Variants in ADAR observed in about 807,000 individuals in gnomAD.
ADAR encodes the protein double-stranded RNA-specific adenosine deaminase.
In ADAR, 41 loss-of-function variants were observed where a neutral mutation model predicts 113.2. The ratio of observed to expected loss-of-function variants is 0.36; its 90% CI spans 0.28 to 0.47. The LOEUF is 0.47. Among genes scored for constraint, ADAR ranks in the 20% least tolerant of loss-of-function variants. The pLI, the probability that ADAR is intolerant of heterozygous loss-of-function variation, is 1.00. For synonymous variants in ADAR, 605 were observed against 572.6 expected (o/e 1.06, Z -0.81); for missense variants, 1,242 against 1,540.9 (o/e 0.81, Z 3.25).
At chr1:154,608,659 C>T (rs953488772), upstream of ADAR, 1 of 152,398 alleles carries the variant, frequency 6.6e-6, no homozygotes, top group African/African-American at 2.4e-5. Flanking sequence ...TTTAGGAAAA[C>T]CGCCGTTTCA....
chr1:154,584,310 G>C lies in ADAR; in HGVS notation c.*496C>G, dbSNP rs1414350908. ...CCTCTTTGCCCTCTGAGGGGGAAAAGGAGACATTCAGATCACAAGGAAAGA... is the reference window on the plus strand; with the variant it reads ...CCTCTTTGCCCTCTGAGGGGGAAAACGAGACATTCAGATCACAAGGAAAGA... On this transcript the variant is annotated 3_prime_UTR_variant, in exon 15 of 15. Coordinates refer to ENST00000368474, the MANE Select transcript of ADAR (RefSeq NM_001111.5). The C allele has an allele frequency of 6.3e-6, 1 of 157,892 alleles. No individual in the cohort carries two copies. Among genetic ancestry groups the C allele is most frequent in the Non-Finnish European group, 1.4e-5 (1 of 71,390 alleles). 9.8% of individuals were successfully genotyped at this position (157,892 alleles called of 1,614,324 possible). A position where few individuals can be genotyped will look rare whatever the true frequency, so the allele number is the denominator to read the frequency against.
At chr1:154,604,543 G>A (rs1431438214) in intron 1 of ADAR, among the ~76,000 whole-genome samples, 5 of 152,210 alleles carry the variant, frequency 3.3e-5, no homozygotes, top group African/African-American at 4.8e-5. Context: ...TTGGGTCTTC[G>A]CTGTGTGGTG....
At chr1:154,605,945 A>T (rs1698165429) in intron 1 of ADAR, 2 of 925,124 alleles carry the variant, frequency 2.2e-6, no homozygotes, top group Non-Finnish European at 2.6e-6. Flanking sequence ...AAAATATTTT[A>T]ATGTCTGTCT....
At chr1:154,593,265 CGA>C (rs1229591906) in intron 6 of ADAR, among the ~76,000 whole-genome samples, 3 of 151,826 alleles carry the variant, frequency 2.0e-5, no homozygotes, top group Non-Finnish European at 4.4e-5. Context: ...TATTATTGTA[CGA>C]GATAGTTAAT....
intron 6 of ADAR, among the ~76,000 whole-genome samples, chr1:154,592,865 G>A (rs1188967668): frequency 6.6e-6 from 1 of 152,008 alleles, no homozygotes; most frequent in Non-Finnish European, 1.5e-5. Flanking sequence ...GGCTGTCGCG[G>A]TGGTTCATGC....
chr1:154,595,097 G>A (rs1256619047), intron 6 of ADAR, among the ~76,000 whole-genome samples: 1 of 152,214 alleles, frequency 6.6e-6, no homozygotes. Flanking sequence ...ACAGGAAGAG[G>A]TGAGTGGCGA....
chr1:154,604,201 A>G (rs1185863185), intron 1 of ADAR, among the ~76,000 whole-genome samples: 2 of 152,250 alleles, frequency 1.3e-5, no homozygotes, highest in East Asian at 3.8e-4. Flanking sequence ...AGCTTTATTT[A>G]TAAAAACAGG....
At chr1:154,605,342 C>CCA (rs1698123907) in intron 1 of ADAR, among the ~76,000 whole-genome samples, 1 of 152,166 alleles carries the variant, frequency 6.6e-6, no homozygotes, top group Admixed American at 6.5e-5. Context: ...CTCCTGACTC[C>CCA]CACCTTCTTC....
intron 1 of ADAR, 113 bp from the exon 2 acceptor site, chr1:154,602,739 T>C (rs575526284): frequency 3.0e-6 from 4 of 1,347,332 alleles, no homozygotes; most frequent in African/African-American, 2.9e-5. Context: ...GAGAAGGCAA[T>C]TGAGCCATGG....
chr1:154,607,583 G>C (rs1013588142), intron 1 of ADAR, among the ~76,000 whole-genome samples: 1 of 152,142 alleles, frequency 6.6e-6, no homozygotes, highest in Non-Finnish European at 1.5e-5. Flanking sequence ...TGTCTGCCTT[G>C]ACATGGGCTC....
Position 154,617,797 on chromosome 1 carries a change from CAT to C in ADAR, c.-871+10056_-871+10057del, listed in dbSNP as rs575005096. Among the ~76,000 whole-genome samples the C allele has an allele frequency of 2.6e-3, 391 of 152,104 alleles. 2 individuals carry two copies. The highest frequency in any genetic ancestry group is 4.6e-3 in the Non-Finnish European group (316 of 67,980). On this transcript the variant is annotated intron_variant, in intron 1 of 14. Coordinates refer to the ADAR transcript ENST00000368471. ...CTTAAAACAAATATGGTATTTAACA[CAT>C]GTTAAATATATATATTTAATATCTT...
Position 154,608,114 on chromosome 1 carries a change from T to C in ADAR, c.-108A>G. The stretch of plus-strand genomic sequence containing the variant: ...CCCCCACGCCTCCGCTACTCCGCAC[T>C]GGAAGTGGCCCCGGGGCGTCGGCAC... On this transcript the variant is annotated 5_prime_UTR_variant, in exon 1 of 15. Coordinates refer to ENST00000368474, the MANE Select transcript of ADAR (RefSeq NM_001111.5). The C allele has an allele frequency of 7.3e-7, 1 of 1,378,882 alleles. No homozygotes were observed. The highest frequency in any genetic ancestry group is 9.5e-7 in the Non-Finnish European group (1 of 1,050,414). The allele number at this position is 1,378,882 out of a possible 1,614,324, so 85.4% of individuals were successfully genotyped here. A position where few individuals can be genotyped will look rare whatever the true frequency, so the allele number is the denominator to read the frequency against.
chr1:154,598,421 G>C lies in ADAR; in HGVS notation c.1766C>G (p.Thr589Arg), dbSNP rs373667326. 3.4e-5 allele frequency: 55 copies of C among 1,614,056 alleles called. No individual in the cohort carries two copies. The highest frequency in any genetic ancestry group is 4.6e-5 in the Non-Finnish European group (54 of 1,180,038). ...ACCTACCTTCTCTGATTCTTTCTCT[G>C]TGGAATAGTGGGATGATTCTTCTGA... is the stretch of plus-strand genomic sequence containing the variant. ...GKSEESSHYS[T>R]EKESEKTAES... The change falls in exon 3 of 15, where the codon ACA (threonine) becomes AGA (arginine). Residue 589 changes from threonine to arginine, a missense_variant. Around this residue, in one of 2 missense-constraint regions of ADAR, gnomAD observed 780 missense variants for 1,057.9 expected, o/e 0.74. Transcript: ENST00000368474.
chr1:154,604,542 C>A (rs1390538077), intron 1 of ADAR, among the ~76,000 whole-genome samples: 1 of 152,202 alleles, frequency 6.6e-6, no homozygotes, highest in Non-Finnish European at 1.5e-5. Flanking sequence ...TTTGGGTCTT[C>A]GCTGTGTGGT....
chr1:154,604,188 T>A (rs554835341), intron 1 of ADAR, among the ~76,000 whole-genome samples: 1 of 152,360 alleles, frequency 6.6e-6, no homozygotes, highest in Non-Finnish European at 1.5e-5. Flanking sequence ...TCATTTACCA[T>A]GAAGCTTTAT....
chr1:154,585,960 G>A, intron 12 of ADAR, 95 bp from the exon 13 acceptor site: 2 of 1,289,858 alleles, frequency 1.6e-6, no homozygotes, highest in Admixed American at 1.9e-5. Flanking sequence ...ACAAGATATA[G>A]TTGTCAAGAA....
chr1:154,615,521 T>C (rs564002701), intron 1 of ADAR, among the ~76,000 whole-genome samples: 2 of 152,300 alleles, frequency 1.3e-5, no homozygotes, highest in Admixed American at 6.5e-5. Flanking sequence ...GCAATCCTCC[T>C]GCCTCAGCTT....
At chr1:154,595,059 C>A (rs940919528) in intron 6 of ADAR, among the ~76,000 whole-genome samples, 2 of 152,154 alleles carry the variant, frequency 1.3e-5, no homozygotes, top group Non-Finnish European at 2.9e-5. Flanking sequence ...AAGTGCAGGG[C>A]TCTGTAACCT....
chr1:154,626,872 A>T (rs534499062), intron 1 of ADAR, among the ~76,000 whole-genome samples: 4 of 152,268 alleles, frequency 2.6e-5, no homozygotes, highest in Admixed American at 2.6e-4. Context: ...CGACCAAGAT[A>T]TTTCAAGAGA....
Sources: gnomAD v4.1 joint callset for allele counts (sites outside exome capture counted in the v4.1 genomes callset) on GRCh38, gnomAD v4.1.1 for gene constraint, gnomAD v4.1.1 regional missense constraint, MANE v1.5 for transcripts, NCBI Gene and HGNC (gene_info 2026-07-23, HGNC 2026-07-21) for gene names.